The following CACNB2 variants were observed in gnomAD, a reference collection of about 807,000 sequenced individuals.
The protein encoded by CACNB2 is voltage-dependent L-type calcium channel subunit beta-2.
A neutral mutation model predicts 73.3 loss-of-function variants in CACNB2; 42 were observed. That is an observed-to-expected ratio of 0.57 (90% CI 0.45 to 0.74). The LOEUF is 0.74. CACNB2 is among the 30% of genes least tolerant of loss of function. The probability of loss-of-function intolerance (pLI) is 0.00; values close to 1 mark genes in which losing one functional copy is unlikely to be tolerated. For missense variants in CACNB2, 940 were observed against 853.0 expected, an observed-to-expected ratio of 1.10 and a Z score of -1.27; for synonymous variants, 348 against 310.3, an observed-to-expected ratio of 1.12 and a Z score of -1.28.
At chr10:18,268,693 A>G (rs1564391617) in intron 2 of CACNB2, among the ~76,000 whole-genome samples, 1 of 152,210 alleles carries the variant, frequency 6.6e-6, no homozygotes, top group Non-Finnish European at 1.5e-5. Flanking sequence ...GTATGTTGCA[A>G]TAAGTATGTT....
intron 2 of CACNB2, among the ~76,000 whole-genome samples, chr10:18,395,583 A>G (rs1210483184): frequency 1.3e-5 from 2 of 152,206 alleles, no homozygotes; most frequent in Non-Finnish European, 2.9e-5. Flanking sequence ...CAATAATTGC[A>G]TGTAGTTTGG....
At chr10:18,289,483 A>T (rs1588951721) in intron 2 of CACNB2, among the ~76,000 whole-genome samples, 1 of 151,756 alleles carries the variant, frequency 6.6e-6, no homozygotes. Context: ...TTTAGTAGAG[A>T]TGGAGTTTCA....
At chr10:18,160,843 C>T (rs2032404612) in intron 2 of CACNB2, among the ~76,000 whole-genome samples, 1 of 152,170 alleles carries the variant, frequency 6.6e-6, no homozygotes, top group African/African-American at 2.4e-5. Context: ...ATGATTATCA[C>T]ATGCTGGAGA....
intron 2 of CACNB2, among the ~76,000 whole-genome samples, chr10:18,246,486 C>T (rs1489508402): frequency 2.6e-5 from 4 of 152,050 alleles, no homozygotes; most frequent in African/African-American, 9.7e-5. Flanking sequence ...GTATTGGTCC[C>T]CAGGTTGTTT....
chr10:18,319,796 G>A (rs1159431106), intron 2 of CACNB2, among the ~76,000 whole-genome samples: 1 of 152,140 alleles, frequency 6.6e-6, no homozygotes, highest in Non-Finnish European at 1.5e-5. Context: ...GGTGACCTTT[G>A]AGCTGAGACC....
chr10:18,145,114 A>G (rs2030829120), intron 1 of CACNB2, among the ~76,000 whole-genome samples: 1 of 152,214 alleles, frequency 6.6e-6, no homozygotes, highest in South Asian at 2.1e-4. Context: ...TCCTAGCAAC[A>G]GGTCCCAGCT....
intron 2 of CACNB2, among the ~76,000 whole-genome samples, chr10:18,162,753 G>A (rs1210864659): frequency 2.6e-5 from 4 of 152,164 alleles, no homozygotes; most frequent in Non-Finnish European, 5.9e-5. Context: ...CATAACATCA[G>A]CCATTCGTGA....
chr10:18,307,929 C>T (rs556756228), intron 2 of CACNB2, among the ~76,000 whole-genome samples: 4 of 144,730 alleles, frequency 2.8e-5, no homozygotes, highest in African/African-American at 1.0e-4. Context: ...TACACTGCTT[C>T]AGTCAGAGAA....
chr10:18,385,591 C>A (rs2043197389), intron 2 of CACNB2, among the ~76,000 whole-genome samples: 1 of 146,016 alleles, frequency 6.8e-6, no homozygotes, highest in South Asian at 2.2e-4. Context: ...CGTGCCAAGC[C>A]GAGATCGTGC....
intron 2 of CACNB2, among the ~76,000 whole-genome samples, chr10:18,392,506 G>C (rs1006827197): frequency 8.5e-5 from 13 of 152,084 alleles, no homozygotes; most frequent in Non-Finnish European, 1.9e-4. Context: ...GAAGAGAAGA[G>C]TTAGAGGGAG....
chr10:18,463,123 G>GCCT (rs1348631651), intron 3 of CACNB2, among the ~76,000 whole-genome samples: 3 of 152,102 alleles, frequency 2.0e-5, no homozygotes, highest in Non-Finnish European at 4.4e-5. Flanking sequence ...GATAGCAACA[G>GCCT]CCTCATCTTG....
At chr10:18,476,302 A>G (rs534546284) in intron 3 of CACNB2, among the ~76,000 whole-genome samples, 2 of 152,334 alleles carry the variant, frequency 1.3e-5, no homozygotes, top group South Asian at 2.1e-4. Context: ...GGCGTCTTCA[A>G]CAAAGAATTG....
At chr10:18,315,352 CA>C (rs747311035) in intron 2 of CACNB2, among the ~76,000 whole-genome samples, 5 of 149,708 alleles carry the variant, frequency 3.3e-5, no homozygotes, top group Non-Finnish European at 7.4e-5. Context: ...CAAAACAAAA[CA>C]AAACAAAACA....
At chr10:18,208,266 A>G (rs1217925933) in intron 2 of CACNB2, among the ~76,000 whole-genome samples, 2 of 152,174 alleles carry the variant, frequency 1.3e-5, no homozygotes, top group Admixed American at 1.3e-4. Context: ...CAGGAGTTCA[A>G]GATCAGCCTG....
At chr10:18,337,200 G>A (rs747903709) in intron 2 of CACNB2, among the ~76,000 whole-genome samples, 5 of 151,848 alleles carry the variant, frequency 3.3e-5, no homozygotes, top group Middle Eastern at 3.2e-3. Flanking sequence ...CGTAATCTTG[G>A]CTCACTGCCC....
chr10:18,221,862 GTCTTTA>G (rs2035806376), intron 2 of CACNB2, among the ~76,000 whole-genome samples: 1 of 152,116 alleles, frequency 6.6e-6, no homozygotes, highest in South Asian at 2.1e-4. Context: ...TTTGTGTTCT[GTCTTTA>G]TCAAAAGCTT....
chr10:18,204,125 G>C (rs896567568), intron 2 of CACNB2, among the ~76,000 whole-genome samples: 3 of 152,216 alleles, frequency 2.0e-5, no homozygotes, highest in Non-Finnish European at 4.4e-5. Context: ...GACTTTTAAA[G>C]TGTTCATTTT....
intron 3 of CACNB2, among the ~76,000 whole-genome samples, chr10:18,494,454 C>G (rs911345204): frequency 2.0e-5 from 3 of 151,554 alleles, no homozygotes; most frequent in Non-Finnish European, 1.5e-5. Flanking sequence ...ACGGTGAAAC[C>G]CCATCTCTAC....
chr10:18,198,705 G>A (rs1228240095), intron 2 of CACNB2, among the ~76,000 whole-genome samples: 1 of 152,140 alleles, frequency 6.6e-6, no homozygotes, highest in African/African-American at 2.4e-5. Context: ...CTCATGCTCT[G>A]ATAATGTATG....
Sources: gnomAD v4.1 joint callset for allele counts (sites outside exome capture counted in the v4.1 genomes callset) on GRCh38, gnomAD v4.1.1 for gene constraint, MANE v1.5 for transcripts, NCBI Gene and HGNC (gene_info 2026-07-23, HGNC 2026-07-21) for gene names.